Variants in FOXP1 observed in about 807,000 individuals in gnomAD.
FOXP1 encodes forkhead box P1.
FOXP1 carries 15 observed loss-of-function variants against 98.2 expected under a neutral mutation model. The ratio of observed to expected loss-of-function variants is 0.15; its 90% CI spans 0.10 to 0.24. FOXP1 has a LOEUF of 0.24. Among genes scored for constraint, FOXP1 ranks in the 10% least tolerant of loss-of-function variants. The pLI is 1.00. For synonymous variants in FOXP1, 371 were observed against 314.5 expected (o/e 1.18, Z -1.90); for missense variants, 633 against 848.5 (o/e 0.75, Z 3.15).
intron 6 of FOXP1, among the ~76,000 whole-genome samples, chr3:71,125,813 C>A (rs1012045922): frequency 3.3e-5 from 5 of 152,172 alleles, no homozygotes; most frequent in Non-Finnish European, 7.4e-5. Context: ...TAATGTATGT[C>A]CACAGAAGCA....
chr3:71,059,690 T>C (rs2051202880), intron 7 of FOXP1, among the ~76,000 whole-genome samples: 1 of 152,176 alleles, frequency 6.6e-6, no homozygotes, highest in South Asian at 2.1e-4. Context: ...GCATGTGAAT[T>C]AAACATGCTA....
intron 13 of FOXP1, among the ~76,000 whole-genome samples, chr3:70,998,831 T>C (rs1298102361): frequency 6.6e-6 from 1 of 152,214 alleles, no homozygotes; most frequent in Non-Finnish European, 1.5e-5. Flanking sequence ...TCTAAATCTT[T>C]TCCTTCTCCT....
At chr3:71,342,942 A>G (rs2077099391) in intron 4 of FOXP1, among the ~76,000 whole-genome samples, 2 of 152,230 alleles carry the variant, frequency 1.3e-5, no homozygotes, top group African/African-American at 4.8e-5. Flanking sequence ...CTGTAACTCT[A>G]GGCAATTTAA....
intron 4 of FOXP1, among the ~76,000 whole-genome samples, chr3:71,343,500 G>A (rs191207706): frequency 9.2e-5 from 14 of 151,598 alleles, no homozygotes. Flanking sequence ...GTTACGGGGC[G>A]GGGAAGATAA....
At chr3:71,154,142 TATA>T (rs1388052326) in intron 6 of FOXP1, among the ~76,000 whole-genome samples, 2 of 152,120 alleles carry the variant, frequency 1.3e-5, no homozygotes, top group Non-Finnish European at 2.9e-5. Flanking sequence ...ATTTATGAAA[TATA>T]ATGTGATATT....
chr3:71,244,810 T>C (rs1270752335), intron 5 of FOXP1: 1 of 151,946 alleles, frequency 6.6e-6, no homozygotes, highest in African/African-American at 2.4e-5. Context: ...CTGATGAGCA[T>C]TAGTTTGAGT....
At chr3:71,025,242 C>G (rs909647195) in intron 11 of FOXP1, among the ~76,000 whole-genome samples, 1 of 152,100 alleles carries the variant, frequency 6.6e-6, no homozygotes, top group Admixed American at 6.6e-5. Context: ...GGGAAAAGGG[C>G]ATACAACCTT....
At chr3:71,322,327 G>A (rs2075438941) in intron 4 of FOXP1, among the ~76,000 whole-genome samples, 1 of 152,152 alleles carries the variant, frequency 6.6e-6, no homozygotes, top group African/African-American at 2.4e-5. Flanking sequence ...TTCCTCAATT[G>A]CACCAGTCAT....
At chr3:71,209,969 C>A (rs559384893) in intron 5 of FOXP1, among the ~76,000 whole-genome samples, 42 of 152,112 alleles carry the variant, frequency 2.8e-4, no homozygotes, top group Non-Finnish European at 8.8e-5. Context: ...TTTTTAAATT[C>A]TGCGTGATGT....
intron 4 of FOXP1, among the ~76,000 whole-genome samples, chr3:71,308,797 GTGTGT>G (rs2074479539): frequency 1.4e-5 from 2 of 147,450 alleles, no homozygotes; most frequent in South Asian, 2.2e-4. Context: ...GTGTGTGTGT[GTGTGT>G]GTGTGGGTGA....
Position 71,565,767 on chromosome 3 carries a change from G to A in FOXP1, c.-298+15782C>T, listed in dbSNP as rs190379746. 1.1e-4 allele frequency among the ~76,000 whole-genome samples: 17 copies of A among 152,240 alleles called. 1 individual carries two copies. The East Asian group carries it at 1.3e-3, about 12-fold the overall frequency. ...TAAGCTTGTTGACAAAGATCTCTAC[G>A]CATAATGATGTTGGGTTTGGATGTT... On this transcript the variant is annotated intron_variant, in intron 2 of 20. Coordinates refer to ENST00000649528, the MANE Select transcript of FOXP1 (RefSeq NM_001349338.3).
chr3:71,303,252 A>G (rs1212146598), intron 4 of FOXP1, among the ~76,000 whole-genome samples: 1 of 152,198 alleles, frequency 6.6e-6, no homozygotes, highest in Non-Finnish European at 1.5e-5. Flanking sequence ...TATGCCCAAC[A>G]TAGTTCATCT....
At chr3:71,302,982 G>T (rs1207638428) in intron 4 of FOXP1, 2 of 152,022 alleles carry the variant, frequency 1.3e-5, no homozygotes, top group Non-Finnish European at 2.9e-5. Context: ...TACTTTCTAT[G>T]GATATATTTT....
chr3:71,342,827 C>T (rs1029607611), intron 4 of FOXP1, among the ~76,000 whole-genome samples: 6 of 152,202 alleles, frequency 3.9e-5, no homozygotes, highest in Middle Eastern at 3.4e-3. Flanking sequence ...TTTTCCCCAA[C>T]GGTGACATCT....
intron 3 of FOXP1, among the ~76,000 whole-genome samples, chr3:71,460,090 T>C (rs746703893): frequency 7.9e-5 from 12 of 151,320 alleles, no homozygotes; most frequent in Non-Finnish European, 1.8e-4. Flanking sequence ...CCCACCACCA[T>C]GCACGGCTAA....
At chr3:71,005,803 C>T (rs955598307) in intron 12 of FOXP1, among the ~76,000 whole-genome samples, 3 of 152,054 alleles carry the variant, frequency 2.0e-5, no homozygotes, top group Non-Finnish European at 2.9e-5. Context: ...CTGTGAGAGA[C>T]GGAGAGCATT....
At chr3:71,207,750 G>T (rs1355273891) in intron 5 of FOXP1, among the ~76,000 whole-genome samples, 19 of 150,914 alleles carry the variant, frequency 1.3e-4, no homozygotes, top group Admixed American at 1.3e-3. Flanking sequence ...AAAAAAAAAT[G>T]ATGATATGAT....
At chr3:71,070,173 TAAAC>T (rs950853529) in intron 7 of FOXP1, among the ~76,000 whole-genome samples, 3 of 152,204 alleles carry the variant, frequency 2.0e-5, no homozygotes, top group African/African-American at 7.2e-5. Context: ...TTAAGACATT[TAAAC>T]AAAATGGGGG....
intron 3 of FOXP1, among the ~76,000 whole-genome samples, chr3:71,417,835 G>A (rs1046853066): frequency 1.3e-5 from 2 of 151,872 alleles, no homozygotes; most frequent in South Asian, 2.1e-4. Context: ...CATTTGGTCC[G>A]CATAGCCGAT....
Sources: allele counts gnomAD v4.1 joint callset (sites outside exome capture counted in the v4.1 genomes callset), GRCh38; gene constraint gnomAD v4.1.1; transcripts MANE v1.5; gene names NCBI Gene and HGNC (gene_info 2026-07-23, HGNC 2026-07-21).